The following CDC5L variants were observed in gnomAD, a reference collection of about 807,000 sequenced individuals.
CDC5L encodes cell division cycle 5-like protein.
CDC5L carries 18 observed loss-of-function variants against 104.1 expected under a neutral mutation model. The observed-to-expected ratio is 0.17, with a 90% confidence interval of 0.12 to 0.26. The LOEUF is 0.26. Among genes scored for constraint, CDC5L ranks in the 10% least tolerant of loss-of-function variants. CDC5L has a pLI of 1.00. For synonymous variants in CDC5L, 331 were observed against 322.7 expected (o/e 1.03, Z -0.28); for missense variants, 673 against 956.9 (o/e 0.70, Z 3.91).
chr6:44,432,853 AG>A lies in CDC5L; in HGVS notation c.2091+2944del, dbSNP rs140398198. On this transcript the variant is annotated intron_variant, in intron 14 of 15. Transcript: ENST00000371477. Reference sequence around the variant, plus strand: ...CTTTTGTGTGTAAAATAAGACAGCAAGAGCAAACACAGCAATGACAGTTAAT... The same window carrying A: ...CTTTTGTGTGTAAAATAAGACAGCAAAGCAAACACAGCAATGACAGTTAAT... Among the ~76,000 whole-genome samples the A allele has an allele frequency of 7.9e-3, 1,210 of 152,356 alleles. 21 individuals are homozygous for A. Among genetic ancestry groups the A allele is most frequent in the African/African-American group, 0.028 (1,156 of 41,586 alleles).
At chr6:44,431,447 T>C (rs951161540) in intron 14 of CDC5L, among the ~76,000 whole-genome samples, 2 of 152,216 alleles carry the variant, frequency 1.3e-5, no homozygotes, top group Admixed American at 6.5e-5. Context: ...GTAATTGTGA[T>C]CTAATATCAG....
intron 9 of CDC5L, among the ~76,000 whole-genome samples, chr6:44,420,500 A>C (rs1035078668): frequency 2.0e-5 from 3 of 152,002 alleles, no homozygotes; most frequent in Non-Finnish European, 4.4e-5. Context: ...CTGGGATTAC[A>C]GGCATGCGCC....
chr6:44,415,988 T>C (rs747723966), intron 8 of CDC5L, among the ~76,000 whole-genome samples: 1 of 152,224 alleles, frequency 6.6e-6, no homozygotes, highest in Admixed American at 6.5e-5. Flanking sequence ...TTGTTTTCAC[T>C]TTGTGAGCTT....
intron 6 of CDC5L, among the ~76,000 whole-genome samples, chr6:44,405,820 T>C (rs1187626256): frequency 6.6e-6 from 1 of 152,186 alleles, no homozygotes; most frequent in East Asian, 1.9e-4. Context: ...TTGTTGCTAT[T>C]CTGAGTTTGC....
intron 3 of CDC5L, 86 bp from the exon 4 acceptor site, chr6:44,393,360 A>G: frequency 1.6e-6 from 2 of 1,282,232 alleles, no homozygotes; most frequent in South Asian, 1.5e-5. Flanking sequence ...TTTTGGGGGG[A>G]AAAATATCGT....
chr6:44,404,213 C>T (rs562606598), intron 6 of CDC5L, among the ~76,000 whole-genome samples, 186 bp downstream of exon 6: 25 of 152,168 alleles, frequency 1.6e-4, no homozygotes, highest in South Asian at 6.2e-4. Flanking sequence ...GGCACAAACA[C>T]GGCTTACTGA....
intron 8 of CDC5L, among the ~76,000 whole-genome samples, chr6:44,413,015 C>A (rs1257416754): frequency 6.6e-6 from 1 of 151,876 alleles, no homozygotes; most frequent in African/African-American, 2.4e-5. Flanking sequence ...ATCTCCTGAC[C>A]TCGTGATCCG....
intron 5 of CDC5L, among the ~76,000 whole-genome samples, chr6:44,397,992 C>T (rs529033953): frequency 1.3e-5 from 2 of 152,240 alleles, no homozygotes; most frequent in African/African-American, 4.8e-5. Flanking sequence ...TGTACAGTGC[C>T]CCTTGTGGCC....
intron 14 of CDC5L, among the ~76,000 whole-genome samples, chr6:44,435,111 C>CT (rs571033985): frequency 1.7e-3 from 173 of 101,792 alleles, no homozygotes; most frequent in East Asian, 0.015. Flanking sequence ...TCCCATATAT[C>CT]TTTTTTTTTT....
chr6:44,397,465 C>T (rs1790922365), intron 5 of CDC5L, among the ~76,000 whole-genome samples: 2 of 151,860 alleles, frequency 1.3e-5, no homozygotes, highest in Admixed American at 1.3e-4. Flanking sequence ...GTATTTTTTT[C>T]CCCCAACCAT....
intron 9 of CDC5L, among the ~76,000 whole-genome samples, chr6:44,420,632 A>G (rs11571991): frequency 2.6e-4 from 40 of 152,312 alleles, no homozygotes; most frequent in African/African-American, 9.4e-4. Flanking sequence ...TGCTGGTATT[A>G]CAGGTGTGAG....
intron 3 of CDC5L, 31 bp from the exon 4 acceptor site, chr6:44,393,415 G>A (rs375902925): frequency 9.3e-6 from 15 of 1,606,300 alleles, no homozygotes; most frequent in Non-Finnish European, 1.1e-5. Flanking sequence ...TGGTACTGTA[G>A]TGTGACTAAC....
At position 44,448,918 on chromosome 6, in the gene CDC5L, T is replaced by TA. The variant is rs1260552624; in HGVS notation, c.*2208dup. 3.3e-5 allele frequency: 5 copies of TA among 152,230 alleles called. No homozygotes were observed. The highest frequency in any genetic ancestry group is 9.6e-5 in the African/African-American group (4 of 41,462). 9.4% of individuals were successfully genotyped at this position (152,230 alleles called of 1,614,324 possible). On this transcript the variant is annotated 3_prime_UTR_variant, in exon 16 of 16. Coordinates refer to ENST00000371477, the MANE Select transcript of CDC5L (RefSeq NM_001253.4). ...GAAATGGCTCTGGAACTTTAAACAG[T>TA]ATACCATTTGGGCATCTATTAAAGC...
chr6:44,401,286 A>G (rs1389207974), intron 5 of CDC5L, among the ~76,000 whole-genome samples: 2 of 122,606 alleles, frequency 1.6e-5, no homozygotes, highest in Non-Finnish European at 3.4e-5. Context: ...CAGCAGCCCA[A>G]GGTTTCCTTG....
intron 8 of CDC5L, among the ~76,000 whole-genome samples, chr6:44,412,206 A>G (rs539997778): frequency 5.0e-4 from 76 of 152,310 alleles, no homozygotes; most frequent in African/African-American, 1.8e-3. Flanking sequence ...CAGCCCTTTC[A>G]TTAAAATACA....
chr6:44,392,749 A>G lies in CDC5L; in HGVS notation c.232A>G (p.Met78Val), dbSNP rs1339444944. The G allele has an allele frequency of 9.3e-6, 15 of 1,614,180 alleles. No homozygotes were observed. The highest frequency in any genetic ancestry group is 1.3e-5 in the Non-Finnish European group (15 of 1,180,012). ...EEKLLHLAKL[M>V]PTQWRTIAPI... The stretch of plus-strand genomic sequence containing the variant: ...AAAACTCTTGCACTTGGCCAAGTTG[A>G]TGCCAACTCAGTGGAGGACCATTGC... The change falls in exon 3 of 16, where the codon ATG becomes GTG. Residue 78 changes from methionine (M) to valine (V), a missense_variant. By Grantham distance (21) the Met-to-Val change is conservative. This residue lies in a region of CDC5L where 74 missense variants were observed against 123.5 expected (regional missense o/e 0.60). Coordinates refer to ENST00000371477, the MANE Select transcript of CDC5L (RefSeq NM_001253.4).
rs1792064506 is a variant in CDC5L, at chr6:44,419,553, A to G, written c.1197A>G (p.Arg399=). The part of the protein sequence containing the change: ...ESDFSGVTPQ[R]QVVQTPNTVL... ...ACTTCTCAGGTGTAACTCCACAGCG[A>G]CAAGTTGTACAGACTCCAAACACAG... is the stretch of plus-strand genomic sequence containing the variant. Residue 399 remains arginine (R), a synonymous_variant, in exon 9 of 16, where the codon CGA becomes CGG. Coordinates refer to ENST00000371477, the MANE Select transcript of CDC5L (RefSeq NM_001253.4). 2 of 1,613,826 alleles carry G rather than the reference A, an allele frequency of 1.2e-6. No individual in the cohort carries two copies. The highest frequency in any genetic ancestry group is 1.7e-6 in the Non-Finnish European group (2 of 1,179,664).
intron 11 of CDC5L, 22 bp downstream of exon 11, chr6:44,424,605 A>G (rs369970515): frequency 1.2e-6 from 2 of 1,612,464 alleles, no homozygotes; most frequent in South Asian, 2.2e-5. Context: ...TACTGAAAGA[A>G]GCGTGAGTTT....
rs1442319258 is a variant in CDC5L at position 44,447,820 on chromosome 6, G to A, written c.*1109G>A. On this transcript the variant is annotated 3_prime_UTR_variant, in exon 16 of 16. Transcript: ENST00000371477. Reference sequence around the variant, plus strand: ...ATTCTTATGTGTCAGACACTTAAGTGTTGGGAGATAAGCAGTTATTAAGAC... The same window carrying A: ...ATTCTTATGTGTCAGACACTTAAGTATTGGGAGATAAGCAGTTATTAAGAC... 1 of 152,222 alleles carries A rather than the reference G, an allele frequency of 6.6e-6. No individual in the cohort carries two copies. Among genetic ancestry groups the A allele is most frequent in the Admixed American group, 6.5e-5 (1 of 15,282 alleles). The allele number at this position is 152,222 out of a possible 1,614,324, so 9.4% of individuals were successfully genotyped here. A position where few individuals can be genotyped will look rare whatever the true frequency, so the allele number is the denominator to read the frequency against.
Sources: gnomAD v4.1 joint callset for allele counts (sites outside exome capture counted in the v4.1 genomes callset) on GRCh38, gnomAD v4.1.1 for gene constraint, gnomAD v4.1.1 regional missense constraint, MANE v1.5 for transcripts, NCBI Gene and HGNC (gene_info 2026-07-23, HGNC 2026-07-21) for gene names.